HEATR5A: variants seen among roughly 807,000 people sequenced by gnomAD.
HEATR5A encodes the protein HEAT repeat-containing protein 5A.
Under a neutral mutation model 218.8 loss-of-function variants are expected in HEATR5A, and 178 were observed. The observed-to-expected ratio is 0.81, with a 90% CI of 0.72 to 0.92. The LOEUF is 0.92. Ranked by LOEUF, HEATR5A falls within the 40% of genes least tolerant of loss-of-function variation. The probability of loss-of-function intolerance (pLI) is 0.00; values close to 1 mark genes in which losing one functional copy is unlikely to be tolerated. For synonymous variants in HEATR5A, 864 were observed against 871.6 expected (o/e 0.99, Z 0.15); for missense variants, 2,420 against 2,418.9 (o/e 1.00, Z -0.01).
chr14:31,391,517 G>GT (rs1170085455), intron 6 of HEATR5A, among the ~76,000 whole-genome samples: 1 of 150,412 alleles, frequency 6.6e-6, no homozygotes, highest in East Asian at 1.9e-4. Flanking sequence ...AAAACTTTTA[G>GT]TAAACAAAGG....
At chr14:31,333,553 A>G (rs575989817) in intron 22 of HEATR5A, among the ~76,000 whole-genome samples, 1 of 152,168 alleles carries the variant, frequency 6.6e-6, no homozygotes, top group Non-Finnish European at 1.5e-5. Flanking sequence ...CTAAAACAAC[A>G]GATTTCAAAG....
chr14:31,336,217 C>CACACACACAT (rs1178045152), intron 22 of HEATR5A, among the ~76,000 whole-genome samples: 24 of 38,210 alleles, frequency 6.3e-4, no homozygotes, highest in African/African-American at 1.4e-3. Flanking sequence ...TACATACATA[C>CACACACACAT]ATATATATAT....
chr14:31,366,792 G>C (rs1901820248), intron 13 of HEATR5A, among the ~76,000 whole-genome samples: 1 of 152,104 alleles, frequency 6.6e-6, no homozygotes, highest in African/African-American at 2.4e-5. Flanking sequence ...ACTAGAGTAG[G>C]AACATAAATA....
At chr14:31,317,431 T>C (rs1899949509) in intron 26 of HEATR5A, among the ~76,000 whole-genome samples, 1 of 150,466 alleles carries the variant, frequency 6.6e-6, no homozygotes, top group Admixed American at 6.7e-5. Context: ...CTCAGCCTCC[T>C]GAGTAGCTGG....
Position 31,394,141 on chromosome 14 carries a change from T to C in HEATR5A, c.683A>G (p.Glu228Gly). The C allele has an allele frequency of 6.5e-7, 1 of 1,535,024 alleles. No individual in the cohort carries two copies. Residue 228 changes from glutamate (E) to glycine (G), a missense_variant, in exon 6 of 36, where the codon GAA becomes GGA. By Grantham distance (98) the Glu-to-Gly change is moderately conservative (BLOSUM62 -2). Coordinates refer to ENST00000543095, the MANE Select transcript of HEATR5A (RefSeq NM_015473.4). ...AATCCGCACATCATAATTGGAACCT[T>C]CAAAGGACTTAAAACACAGTGTGGC... ...SVATLCFKSF[E>G]GSNYDVRISV...
chr14:31,355,312 C>T (rs1901384566), intron 16 of HEATR5A, among the ~76,000 whole-genome samples: 2 of 152,002 alleles, frequency 1.3e-5, no homozygotes, highest in South Asian at 4.1e-4. Context: ...ACTCGGGAGG[C>T]CGAGGCAGGA....
chr14:31,327,984 C>T (rs181396477), intron 22 of HEATR5A, among the ~76,000 whole-genome samples: 4 of 152,196 alleles, frequency 2.6e-5, no homozygotes, highest in Non-Finnish European at 4.4e-5. Context: ...GACAGAGTCT[C>T]GCTCTGTCGC....
chr14:31,341,072 A>T (rs190339521), intron 21 of HEATR5A, among the ~76,000 whole-genome samples: 2 of 152,362 alleles, frequency 1.3e-5, no homozygotes, highest in East Asian at 3.9e-4. Flanking sequence ...TAACAAATTC[A>T]ATCTAATAAA....
At chr14:31,336,188 A>G (rs1900645431) in intron 22 of HEATR5A, among the ~76,000 whole-genome samples, 1 of 138,244 alleles carries the variant, frequency 7.2e-6, no homozygotes, top group African/African-American at 2.6e-5. Context: ...CATATTGCGC[A>G]GGGGGTTATT....
intron 27 of HEATR5A, among the ~76,000 whole-genome samples, chr14:31,314,785 T>C (rs1899864142): frequency 6.6e-6 from 1 of 152,212 alleles, no homozygotes; most frequent in African/African-American, 2.4e-5. Flanking sequence ...TCTACAACTT[T>C]CAGGTTTAAA....
At chr14:31,305,252 T>C in intron 31 of HEATR5A, 75 bp from the exon 32 acceptor site, 1 of 1,418,280 alleles carries the variant, frequency 7.1e-7, no homozygotes, top group Non-Finnish European at 9.6e-7. Context: ...TAAATCCTGT[T>C]ACAGGAAATA....
intron 25 of HEATR5A, chr14:31,320,160 C>A (rs1900043233): frequency 4.0e-6 from 2 of 505,018 alleles, no homozygotes; most frequent in Non-Finnish European, 7.5e-6. Flanking sequence ...GCTTAGCACA[C>A]CCCAGCACCA....
At chr14:31,336,589 T>A (rs112726784) in intron 22 of HEATR5A, among the ~76,000 whole-genome samples, 4 of 149,556 alleles carry the variant, frequency 2.7e-5, no homozygotes, top group African/African-American at 9.7e-5. Flanking sequence ...TACACTTAAA[T>A]CTTACTGGCT....
chr14:31,376,188 AC>A (rs930203377), intron 11 of HEATR5A, among the ~76,000 whole-genome samples: 7 of 152,298 alleles, frequency 4.6e-5, no homozygotes, highest in African/African-American at 1.7e-4. Context: ...TATTCAAAGG[AC>A]AGTTTCTGAG....
intron 22 of HEATR5A, 85 bp from the exon 23 acceptor site, chr14:31,326,427 A>G (rs1900267972): frequency 1.0e-6 from 1 of 957,438 alleles, no homozygotes; most frequent in Non-Finnish European, 1.6e-6. Flanking sequence ...AGTTATTCAA[A>G]TAGTAGATAA....
At chr14:31,322,817 TA>T (rs376742735) in intron 24 of HEATR5A, among the ~76,000 whole-genome samples, 283 of 101,116 alleles carry the variant, frequency 2.8e-3, no homozygotes, top group Middle Eastern at 0.011. Flanking sequence ...AAATGCTGTC[TA>T]AAAAAAAAAA....
At chr14:31,416,210 C>T (rs576035105) in intron 1 of HEATR5A, among the ~76,000 whole-genome samples, 202 of 152,128 alleles carry the variant, frequency 1.3e-3, no homozygotes, top group Middle Eastern at 6.8e-3. Flanking sequence ...CTCCACCTCT[C>T]GAGTTTAAGC....
Position 31,358,757 on chromosome 14 carries a change from A to C in HEATR5A, c.2291T>G (p.Ile764Ser), listed in dbSNP as rs1207877788. 4 of 1,613,970 alleles carry C rather than the reference A, an allele frequency of 2.5e-6. No homozygotes were observed. ...ATCTCCCTCTACATCTTTCTCATAA[A>C]TCGAATAAGGGTCATATTCAAGACT... Reference protein sequence around the residue: ...CGSLEYDPYSIYEKDVEGDSV... With the variant: ...CGSLEYDPYSSYEKDVEGDSV... The change falls in exon 16 of 36, where the codon ATT becomes AGT. Residue 764 changes from isoleucine (I) to serine (S), a missense_variant. Coordinates refer to ENST00000543095, the MANE Select transcript of HEATR5A (RefSeq NM_015473.4).
At position 31,362,505 on chromosome 14, in the gene HEATR5A, G is replaced by A. The variant is rs957446524; in HGVS notation, c.2071+1684C>T. Among the ~76,000 whole-genome samples the A allele has an allele frequency of 2.0e-5, 3 of 146,716 alleles. 1 individual carries two copies. In the East Asian group the frequency reaches 6.2e-4, roughly 30 times the overall value. ...AGGCCAGGCCCAGTGGCTCATGACTGTAATCCCAACACTTTGAGAGGCTGA... is the reference window on the plus strand; with the variant it reads ...AGGCCAGGCCCAGTGGCTCATGACTATAATCCCAACACTTTGAGAGGCTGA... On this transcript the variant is annotated intron_variant, in intron 14 of 35. Coordinates refer to ENST00000543095, the MANE Select transcript of HEATR5A (RefSeq NM_015473.4).
Sources: gnomAD v4.1 joint callset for allele counts (sites outside exome capture counted in the v4.1 genomes callset) on GRCh38, gnomAD v4.1.1 for gene constraint, MANE v1.5 for transcripts, NCBI Gene and HGNC (gene_info 2026-07-23, HGNC 2026-07-21) for gene names.